The following KNOP1 variants were observed in gnomAD, a reference collection of about 807,000 sequenced individuals.
The protein encoded by KNOP1 is lysine-rich nucleolar protein 1.
A neutral mutation model predicts 30.6 loss-of-function variants in KNOP1; 20 were observed. The observed-to-expected ratio is 0.65, with a 90% CI of 0.46 to 0.95. KNOP1 has a LOEUF of 0.95. Ranked by LOEUF, KNOP1 falls within the 40% of genes least tolerant of loss-of-function variation. The pLI, the probability that KNOP1 is intolerant of heterozygous loss-of-function variation, is 0.00. For missense variants in KNOP1, 540 were observed against 562.0 expected, an observed-to-expected ratio of 0.96 and a Z score of 0.40; for synonymous variants, 204 against 210.0, an observed-to-expected ratio of 0.97 and a Z score of 0.25.
At position 19,705,443 on chromosome 16, in the gene KNOP1, G is replaced by A. The variant is rs960036446; in HGVS notation, c.*1467C>T. 2 of 358,074 alleles carry A rather than the reference G, an allele frequency of 5.6e-6. No individual in the cohort carries two copies. Among genetic ancestry groups the A allele is most frequent in the African/African-American group, 2.1e-5 (1 of 46,810 alleles). The allele number at this position is 358,074 out of a possible 1,614,324, so 22.2% of individuals were successfully genotyped here. A position where few individuals can be genotyped will look rare whatever the true frequency, so the allele number is the denominator to read the frequency against. ...GCCACTGGACCTGGAGCTCTTTGAGGCTTGCTGTAGAGTCCAGGCTTGGAA... is the reference window on the plus strand; with the variant it reads ...GCCACTGGACCTGGAGCTCTTTGAGACTTGCTGTAGAGTCCAGGCTTGGAA... On this transcript the variant is annotated 3_prime_UTR_variant, in exon 5 of 5. Transcript: ENST00000219837.
At chr16:19,717,101 C>T (rs1171052127) in intron 1 of KNOP1, among the ~76,000 whole-genome samples, 1 of 152,190 alleles carries the variant, frequency 6.6e-6, no homozygotes, top group East Asian at 1.9e-4. Context: ...CCTCATCCTC[C>T]CAAAGTGCTG....
chr16:19,717,397 GAGC>G (rs1977207561), intron 1 of KNOP1: 3 of 985,546 alleles, frequency 3.0e-6, no homozygotes, highest in Non-Finnish European at 3.6e-6. Context: ...CAGAATAGGG[GAGC>G]AGTCAAGAGA....
Position 19,704,335 on chromosome 16 carries a change from T to TTG in KNOP1, c.*2573_*2574dup, listed in dbSNP as rs1976277037. The TTG allele has an allele frequency of 6.6e-6, 1 of 152,436 alleles. No homozygotes were observed. 9.4% of individuals were successfully genotyped at this position (152,436 alleles called of 1,614,324 possible). On this transcript the variant is annotated 3_prime_UTR_variant, in exon 5 of 5. Coordinates refer to ENST00000219837, the MANE Select transcript of KNOP1 (RefSeq NM_001012991.3). ...CTCTTGACCTCGTGATCCGCCCACC[T>TTG]TGGCCTCCCAAAGTGCTGGGATTAC... is the stretch of plus-strand genomic sequence containing the variant.
At chr16:19,718,006 G>A (rs1374937112) in intron 1 of KNOP1, 152 bp downstream of exon 1, 2 of 1,332,254 alleles carry the variant, frequency 1.5e-6, no homozygotes, top group East Asian at 3.5e-5. Context: ...TGGAGGCGGC[G>A]GCCTCAGGCC....
rs1166188382 is a variant in KNOP1, at chr16:19,704,196, T to C, written c.*2714A>G. 6.6e-6 allele frequency: 1 copy of C among 151,796 alleles called. No homozygotes were observed. 9.4% of individuals were successfully genotyped at this position (151,796 alleles called of 1,614,324 possible). ...ACCTCCCGGGTTCAAGCGATTCTCC[T>C]GTCAGCCTCCTGAGTAGCCGGGATT... On this transcript the variant is annotated 3_prime_UTR_variant, in exon 5 of 5. Coordinates refer to ENST00000219837, the MANE Select transcript of KNOP1 (RefSeq NM_001012991.3).
In KNOP1 at chr16:19,714,383, ATTT is replaced by A. The variant is rs764099275; in HGVS notation, c.650_652del (p.Lys217del). The A allele has an allele frequency of 1.7e-5, 27 of 1,592,196 alleles. No individual in the cohort carries two copies. The highest frequency in any genetic ancestry group is 2.1e-5 in the Non-Finnish European group (25 of 1,165,398). ...TGGGAGGGCATCTCCCTCCTGGTGGATTTTTTTTTTCTTCTTCACCTTCCCATT... is the reference window on the plus strand; with the variant it reads ...TGGGAGGGCATCTCCCTCCTGGTGGATTTTTTTCTTCTTCACCTTCCCATT... On this transcript the variant is annotated inframe_deletion, in exon 2 of 5. Transcript: ENST00000219837.
intron 3 of KNOP1, 92 bp downstream of exon 3, chr16:19,711,280 C>T: frequency 7.5e-7 from 1 of 1,326,564 alleles, no homozygotes; most frequent in Non-Finnish European, 1.1e-6. Flanking sequence ...CCCCTGAGAC[C>T]AGGATCACCT....
In KNOP1 at chr16:19,705,174, C is replaced by T. The variant is rs1410844807; in HGVS notation, c.*1736G>A. ...ATCTTTGTACTAGCCTTGATGAAGC[C>T]AACACTGGAGATGATGGAGAGAATG... On this transcript the variant is annotated 3_prime_UTR_variant, in exon 5 of 5. Coordinates refer to ENST00000219837, the MANE Select transcript of KNOP1 (RefSeq NM_001012991.3). 8.8e-6 allele frequency: 4 copies of T among 455,892 alleles called. No individual in the cohort carries two copies. Among genetic ancestry groups the T allele is most frequent in the African/African-American group, 2.0e-5 (1 of 50,060 alleles). The allele number at this position is 455,892 out of a possible 1,614,324, so 28.2% of individuals were successfully genotyped here. A position where few individuals can be genotyped will look rare whatever the true frequency, so the allele number is the denominator to read the frequency against.
rs769722073 is a variant in KNOP1, at chr16:19,706,963, T to C, written c.1324A>G (p.Lys442Glu). 6.2e-7 allele frequency: 1 copy of C among 1,613,370 alleles called. No homozygotes were observed. Among genetic ancestry groups the C allele is most frequent in the Non-Finnish European group, 8.5e-7 (1 of 1,180,030 alleles). Residue 442 changes from lysine (K) to glutamate (E), a missense_variant, in exon 5 of 5, where the codon AAG becomes GAG. Coordinates refer to ENST00000219837, the MANE Select transcript of KNOP1 (RefSeq NM_001012991.3). ...AGLGFSTAPN[K>E]IFYIDRNASK... Reference sequence around the variant, plus strand: ...GCGTTCCTGTCAATGTAAAAGATCTTGTTGGGGGCGGTGGAGAAGCCGAGG... The same window carrying C: ...GCGTTCCTGTCAATGTAAAAGATCTCGTTGGGGGCGGTGGAGAAGCCGAGG...
intron 1 of KNOP1, 159 bp downstream of exon 1, chr16:19,717,999 A>G (rs986248343): frequency 1.2e-5 from 16 of 1,318,998 alleles, no homozygotes; most frequent in African/African-American, 1.5e-5. Flanking sequence ...AACTTTCTGG[A>G]GGCGGCGGCC....
At chr16:19,715,263 G>C (rs1196620337) in intron 1 of KNOP1, 2 of 408,706 alleles carry the variant, frequency 4.9e-6, no homozygotes, top group African/African-American at 2.1e-5. Flanking sequence ...CTCACCTTAA[G>C]TAAATCAGCT....
At chr16:19,717,586 T>C in intron 1 of KNOP1, 2 of 985,578 alleles carry the variant, frequency 2.0e-6, no homozygotes, top group Non-Finnish European at 1.2e-6. Context: ...TCCTCCTCTT[T>C]AGCCCTGCGA....
At position 19,705,607 on chromosome 16, in the gene KNOP1, C is replaced by G; in HGVS notation, c.*1303G>C. On this transcript the variant is annotated 3_prime_UTR_variant, in exon 5 of 5. Coordinates refer to ENST00000219837, the MANE Select transcript of KNOP1 (RefSeq NM_001012991.3). ...AAAAAAGAATCTCATCAGACACATC[C>G]CTGGGGCTGGGCACAGTGGCTCACA... 1 of 258,572 alleles carries G rather than the reference C, an allele frequency of 3.9e-6. No homozygotes were observed. 16.0% of individuals were successfully genotyped at this position (258,572 alleles called of 1,614,324 possible).
At chr16:19,715,326 TC>T in intron 1 of KNOP1, 1 of 287,476 alleles carries the variant, frequency 3.5e-6, no homozygotes, top group Non-Finnish European at 6.4e-6. Context: ...ATATAACACC[TC>T]CCTCCTCAAA....
At chr16:19,717,555 G>A (rs927533148) in intron 1 of KNOP1, 28 of 985,320 alleles carry the variant, frequency 2.8e-5, no homozygotes, top group African/African-American at 5.2e-5. Context: ...CCCATCTCTT[G>A]CCATTTAGAA....
rs565049369 is a variant in KNOP1 at position 19,716,570 on chromosome 16, G to A, written c.-2-1533C>T. 7 of 152,390 alleles carry A rather than the reference G, an allele frequency of 4.6e-5. 1 individual carries two copies. In the South Asian group the frequency reaches 1.4e-3, roughly 32 times the overall value. The allele number at this position is 152,390 out of a possible 1,614,324, so 9.4% of individuals were successfully genotyped here. Reference sequence around the variant, plus strand: ...GAATATATATGGATGAGGAGTTTGGGTGGCCGTGCTGACACGGGCGACATA... The same window carrying A: ...GAATATATATGGATGAGGAGTTTGGATGGCCGTGCTGACACGGGCGACATA... On this transcript the variant is annotated intron_variant, in intron 1 of 4. Transcript: ENST00000219837.
Position 19,707,123 on chromosome 16 carries a change from AG to A in KNOP1, c.1163del (p.Pro388LeufsTer37). ...RLMGGFKNLS[P>X]SFSRPASTIA... ...TCGTGCTGGCGGGGCGGCTGAACGA[AG>A]GGGACAGGTTTTTGAAGCCACCCAT... On this transcript the variant is annotated frameshift_variant, in exon 5 of 5. Coordinates refer to ENST00000219837, the MANE Select transcript of KNOP1 (RefSeq NM_001012991.3). LOFTEE classifies it low-confidence loss of function (END_TRUNC). 1 of 1,614,122 alleles carries A rather than the reference AG, an allele frequency of 6.2e-7. No individual in the cohort carries two copies. Among genetic ancestry groups the A allele is most frequent in the South Asian group, 1.1e-5 (1 of 91,082 alleles).
chr16:19,707,922 C>G (rs532826274), intron 4 of KNOP1, among the ~76,000 whole-genome samples: 1 of 99,854 alleles, frequency 1.0e-5, no homozygotes, highest in South Asian at 3.9e-4. Context: ...CCCCCACCTC[C>G]CTACATAGCA....
intron 1 of KNOP1, chr16:19,717,897 C>T (rs1977264648): frequency 1.9e-6 from 2 of 1,074,546 alleles, no homozygotes; most frequent in Non-Finnish European, 2.3e-6. Context: ...GAAGTAAGAT[C>T]CGTACCTCCA....
Sources: allele counts gnomAD v4.1 joint callset (sites outside exome capture counted in the v4.1 genomes callset), GRCh38; gene constraint gnomAD v4.1.1; transcripts MANE v1.5; gene names NCBI Gene and HGNC (gene_info 2026-07-23, HGNC 2026-07-21).